Variants in LZTFL1 observed in about 807,000 individuals in gnomAD.
LZTFL1 encodes the protein leucine zipper transcription factor-like protein 1.
LZTFL1 carries 25 observed loss-of-function variants against 45.9 expected under a neutral mutation model. The ratio of observed to expected loss-of-function variants is 0.54; its 90% confidence interval spans 0.40 to 0.76. LZTFL1 has a LOEUF of 0.76. Among genes scored for constraint, LZTFL1 ranks in the 30% least tolerant of loss-of-function variants. The pLI, the probability that LZTFL1 is intolerant of heterozygous loss-of-function variation, is 0.00. For synonymous variants in LZTFL1, 93 were observed against 117.4 expected (o/e 0.79, Z 1.35); for missense variants, 277 against 331.1 (o/e 0.84, Z 1.27).
intron 4 of LZTFL1, among the ~76,000 whole-genome samples, chr3:45,852,634 A>T (rs1156866264): frequency 6.6e-6 from 1 of 152,182 alleles, no homozygotes; most frequent in African/African-American, 2.4e-5. Context: ...TAAAGCAATA[A>T]ATTCCTCACA....
rs1701729491 is a variant in LZTFL1, at chr3:45,875,084, C to T, written c.-214-16068G>A. ...TAAATAATTGTTGTTTAAGCCACTA[C>T]ATTTTGGAGCAGTTTATTCTGCAGC... On this transcript the variant is annotated intron_variant, in intron 2 of 4. Transcript: ENST00000472635. 2.0e-5 allele frequency among the ~76,000 whole-genome samples: 3 copies of T among 152,212 alleles called. No individual in the cohort carries two copies. The South Asian group carries it at 6.2e-4, about 32-fold the overall frequency.
rs1367419000 is a variant in LZTFL1 at position 45,901,987 on chromosome 3, G to T, written c.-215+11133C>A. ...ACTGATGGGACCAGAGAGAGTGAAA[G>T]AGAAAAGAAAACTCAGAAAGGGATG... On this transcript the variant is annotated intron_variant, in intron 2 of 4. Transcript: ENST00000472635. The surrounding 1 kb of genome is among the most constrained non-coding windows in gnomAD (Gnocchi z 4.3). 2.6e-6 allele frequency: 3 copies of T among 1,137,002 alleles called. No homozygotes were observed. The highest frequency in any genetic ancestry group is 3.7e-6 in the Non-Finnish European group (3 of 802,272). 70.4% of individuals were successfully genotyped at this position (1,137,002 alleles called of 1,614,324 possible). A position where few individuals can be genotyped will look rare whatever the true frequency, so the allele number is the denominator to read the frequency against.
intron 2 of LZTFL1, among the ~76,000 whole-genome samples, chr3:45,905,681 A>G (rs1277203361): frequency 6.6e-6 from 1 of 152,238 alleles, no homozygotes; most frequent in Non-Finnish European, 1.5e-5. Context: ...CCTGTGAGAC[A>G]GAGAATAGCG....
chr3:45,866,168 C>T (rs1041907783), intron 2 of LZTFL1, among the ~76,000 whole-genome samples: 1 of 152,024 alleles, frequency 6.6e-6, no homozygotes, highest in Non-Finnish European at 1.5e-5. Flanking sequence ...ACAAATGGGT[C>T]CAAGGACACT....
At chr3:45,835,463 T>C (rs1700941024) in intron 3 of LZTFL1, 127 bp downstream of exon 3, 1 of 774,960 alleles carries the variant, frequency 1.3e-6, no homozygotes, top group African/African-American at 1.7e-5. Context: ...CTCAATGCTT[T>C]GCTGTTACCC....
In LZTFL1 at chr3:45,882,708, T is replaced by C. The variant is rs979893211; in HGVS notation, c.-214-23692A>G. Among the ~76,000 whole-genome samples the C allele has an allele frequency of 3.9e-5, 6 of 152,122 alleles. No homozygotes were observed. In the South Asian group the frequency reaches 1.0e-3, roughly 26 times the overall value. On this transcript the variant is annotated intron_variant, in intron 2 of 4. Transcript: ENST00000472635. ...CTTTTCTCTGTTACAGGTATCAGCG[T>C]TGTGGATTGCTGTTTCTAGTCCACA...
At position 45,879,686 on chromosome 3, in the gene LZTFL1, T is replaced by C. The variant is rs143945380; in HGVS notation, c.-214-20670A>G. On this transcript the variant is annotated intron_variant, in intron 2 of 4. Coordinates refer to the LZTFL1 transcript ENST00000472635. ...TAGTGATGTATGAGTGTAGATGAAC[T>C]GATTATAACAAATGTGCCACTCTGA... is the stretch of plus-strand genomic sequence containing the variant. Among the ~76,000 whole-genome samples the C allele has an allele frequency of 6.7e-3, 1,016 of 151,934 alleles. 14 individuals are homozygous for C. The highest frequency in any genetic ancestry group is 0.023 in the African/African-American group (957 of 41,398).
chr3:45,884,472 T>C (rs1368697233), intron 2 of LZTFL1, among the ~76,000 whole-genome samples: 1 of 152,100 alleles, frequency 6.6e-6, no homozygotes, highest in Non-Finnish European at 1.5e-5. Context: ...CTTCCAGACC[T>C]GGATGGAAGA....
At chr3:45,870,587 G>T (rs533194826) in intron 2 of LZTFL1, among the ~76,000 whole-genome samples, 2 of 152,346 alleles carry the variant, frequency 1.3e-5, no homozygotes, top group South Asian at 4.1e-4. Flanking sequence ...CGTCTAAAGA[G>T]AAGTAATTGT....
intron 2 of LZTFL1, among the ~76,000 whole-genome samples, chr3:45,906,830 C>G (rs1187616847): frequency 9.9e-5 from 15 of 152,244 alleles, no homozygotes; most frequent in African/African-American, 3.1e-4. Context: ...TGTGTCTGAA[C>G]CTTAGAATTC....
rs776764270 is a variant in LZTFL1 at position 45,828,457 on chromosome 3, C to T, written c.759G>A (p.Gln253=). ...AKHDLLRVQE[Q]LHMAEKELEK... is the part of the protein sequence containing the mutation. The stretch of plus-strand genomic sequence containing the variant: ...TTCTGACCTTTTCAGCCATGTGCAG[C>T]TGCTCCTGAACCCTGAGTAGATCGT... Residue 253 remains glutamine (Q), a synonymous_variant, in exon 8 of 10, where the codon CAG becomes CAA. Transcript: ENST00000296135. 1.2e-6 allele frequency: 2 copies of T among 1,613,544 alleles called. No homozygotes were observed. The highest frequency in any genetic ancestry group is 1.7e-6 in the Non-Finnish European group (2 of 1,179,874).
intron 2 of LZTFL1, among the ~76,000 whole-genome samples, chr3:45,865,855 G>C (rs926144890): frequency 1.3e-5 from 2 of 152,190 alleles, no homozygotes; most frequent in Non-Finnish European, 2.9e-5. Context: ...TTATAACAGC[G>C]TTGTCTGTAA....
chr3:45,854,983 TAC>T lies in LZTFL1; in HGVS notation c.-49+1_-49+2del. 1 of 1,528,264 alleles carries T rather than the reference TAC, an allele frequency of 6.5e-7. No homozygotes were observed. Among genetic ancestry groups the T allele is most frequent in the South Asian group, 1.2e-5 (1 of 83,548 alleles). 94.7% of individuals were successfully genotyped at this position (1,528,264 alleles called of 1,614,324 possible). ...AATATGTCAGATGCGCTTGTCAACT[TAC>T]AGAGCTTTCTCCTGGAACTTAGCCC... On this transcript the variant is annotated splice_donor_variant, in intron 4 of 4. Transcript: ENST00000472635. LOFTEE classifies it low-confidence loss of function (5UTR_SPLICE).
chr3:45,895,032 C>A, intron 2 of LZTFL1: 1 of 1,393,638 alleles, frequency 7.2e-7, no homozygotes, highest in Non-Finnish European at 1.0e-6. Flanking sequence ...GAAGGATCCA[C>A]TGTGGGGGAA....
At chr3:45,909,351 G>A (rs996680419) in intron 2 of LZTFL1, among the ~76,000 whole-genome samples, 1 of 152,156 alleles carries the variant, frequency 6.6e-6, no homozygotes, top group African/African-American at 2.4e-5. Flanking sequence ...GTTGGGGACC[G>A]CTGGTATAAT....
rs1046796302 is a variant in LZTFL1 at position 45,874,796 on chromosome 3, C to A, written c.-214-15780G>T. ...AAAGTGATGGTGTGGCAGTTCTAAG[C>A]CCAGACCTTCAGAGTCACTGTGTAC... On this transcript the variant is annotated intron_variant, in intron 2 of 4. Transcript: ENST00000472635. 1.5e-4 allele frequency among the ~76,000 whole-genome samples: 23 copies of A among 152,288 alleles called. 1 individual carries two copies. The highest frequency in any genetic ancestry group is 7.8e-4 in the Admixed American group (12 of 15,304).
intron 2 of LZTFL1, among the ~76,000 whole-genome samples, chr3:45,861,555 G>A (rs558046393): frequency 6.6e-6 from 1 of 152,290 alleles, no homozygotes; most frequent in African/African-American, 2.4e-5. Context: ...TAGACCTTGC[G>A]ATGATGCATT....
intron 2 of LZTFL1, among the ~76,000 whole-genome samples, chr3:45,867,421 A>T (rs2125713542): frequency 6.6e-6 from 1 of 152,192 alleles, no homozygotes; most frequent in East Asian, 1.9e-4. Context: ...CCGCAATTCA[A>T]GTTTTTTTTT....
At chr3:45,883,470 C>A (rs1701901120) in intron 2 of LZTFL1, among the ~76,000 whole-genome samples, 1 of 152,208 alleles carries the variant, frequency 6.6e-6, no homozygotes, top group East Asian at 1.9e-4. Flanking sequence ...CTTCTCAAAC[C>A]TTTTCCTCAA....
Sources: gnomAD v4.1 joint callset for allele counts (sites outside exome capture counted in the v4.1 genomes callset) on GRCh38, gnomAD v4.1.1 for gene constraint, Gnocchi (gnomAD v3.1) non-coding constraint, MANE v1.5 for transcripts, NCBI Gene and HGNC (gene_info 2026-07-23, HGNC 2026-07-21) for gene names.